Variants in FOCAD observed in about 807,000 individuals in gnomAD.
FOCAD encodes focadhesin, also known as KIAA1797.
A neutral mutation model predicts 225.6 loss-of-function variants in FOCAD; 198 were observed. The observed-to-expected ratio is 0.88, with a 90% CI of 0.78 to 0.99. FOCAD has a LOEUF of 0.99. Ranked by LOEUF, FOCAD falls within the 50% of genes least tolerant of loss-of-function variation. The pLI is 0.00. For synonymous variants in FOCAD, 897 were observed against 755.0 expected (o/e 1.19, Z -3.08); for missense variants, 2,713 against 2,123.6 (o/e 1.28, Z -5.46).
upstream of FOCAD, among the ~76,000 whole-genome samples, chr9:20,658,064 G>T (rs75557199): frequency 0.9 from 119,286 of 132,840 alleles, 53,383 homozygotes; most frequent in Non-Finnish European, 0.93. Context: ...GCCCCTGCTG[G>T]GGGGTGCCTC....
chr9:20,705,859 C>T (rs1443034870), intron 1 of FOCAD, among the ~76,000 whole-genome samples: 1 of 150,844 alleles, frequency 6.6e-6, no homozygotes, highest in Non-Finnish European at 1.5e-5. Context: ...TATCCATATG[C>T]CACAAGTTAA....
intron 1 of FOCAD, among the ~76,000 whole-genome samples, chr9:20,689,060 G>C (rs1313768508): frequency 6.6e-6 from 1 of 152,172 alleles, no homozygotes; most frequent in Non-Finnish European, 1.5e-5. Context: ...AGAGCCAGGA[G>C]GAGCTGAAAG....
chr9:20,995,224 G>T (rs772780944), intron 43 of FOCAD, among the ~76,000 whole-genome samples: 1 of 151,950 alleles, frequency 6.6e-6, no homozygotes, highest in Non-Finnish European at 1.5e-5. Context: ...AGCACAAATT[G>T]TGAGGAGATT....
chr9:20,937,529 T>G (rs940101291), intron 28 of FOCAD, among the ~76,000 whole-genome samples: 23 of 151,612 alleles, frequency 1.5e-4, no homozygotes, highest in African/African-American at 4.6e-4. Context: ...TAGCCATATG[T>G]AGAAAGCTGA....
intron 6 of FOCAD, among the ~76,000 whole-genome samples, chr9:20,760,630 C>T (rs1829503901): frequency 6.6e-6 from 1 of 151,762 alleles, no homozygotes; most frequent in Non-Finnish European, 1.5e-5. Context: ...TTTTTTTGCC[C>T]TAGGGTCTTT....
At chr9:20,947,007 CCT>C (rs1388201431) in intron 30 of FOCAD, among the ~76,000 whole-genome samples, 187 bp downstream of exon 30, 1 of 152,132 alleles carries the variant, frequency 6.6e-6, no homozygotes, top group Non-Finnish European at 1.5e-5. Context: ...CTCCTTATCC[CCT>C]GTCTCATTCT....
rs948666298 is a variant in FOCAD at position 20,912,778 on chromosome 9, A to G, written c.2719-88A>G. 7 of 1,053,900 alleles carry G rather than the reference A, an allele frequency of 6.6e-6. No individual in the cohort carries two copies. The Admixed American group carries it at 9.2e-5, about 14-fold the overall frequency. 65.3% of individuals were successfully genotyped at this position (1,053,900 alleles called of 1,614,324 possible). ...ACCCAGAACACTTAAGGCCAAATGG[A>G]AAAGGATATATCTGTGTTTTCCAAA... On this transcript the variant is annotated intron_variant, in intron 22 of 43. Coordinates refer to ENST00000338382, the MANE Select transcript of FOCAD (RefSeq NM_001375567.1).
intron 19 of FOCAD, 152 bp downstream of exon 19, chr9:20,874,959 C>A: frequency 1.0e-6 from 1 of 961,568 alleles, no homozygotes; most frequent in Non-Finnish European, 1.6e-6. Flanking sequence ...TCTATTGAAA[C>A]AGCTTGAGGT....
At chr9:20,925,991 C>T (rs963371896) in intron 25 of FOCAD, among the ~76,000 whole-genome samples, 1 of 152,180 alleles carries the variant, frequency 6.6e-6, no homozygotes, top group Non-Finnish European at 1.5e-5. Flanking sequence ...ATATTATCTT[C>T]ACTATAATTC....
chr9:20,955,236 A>C (rs948620938), intron 35 of FOCAD, among the ~76,000 whole-genome samples: 3 of 152,196 alleles, frequency 2.0e-5, no homozygotes, highest in Admixed American at 2.0e-4. Flanking sequence ...TAGAGGAAAG[A>C]AATGTGATGG....
At chr9:20,707,563 T>C (rs930649250) in intron 1 of FOCAD, among the ~76,000 whole-genome samples, 1 of 152,150 alleles carries the variant, frequency 6.6e-6, no homozygotes, top group African/African-American at 2.4e-5. Context: ...TACTGTGTTC[T>C]TACAACAAAG....
At chr9:20,677,536 T>TA (rs1177200545) in intron 2 of FOCAD, among the ~76,000 whole-genome samples, 1 of 152,092 alleles carries the variant, frequency 6.6e-6, no homozygotes, top group Non-Finnish European at 1.5e-5. Context: ...ATAACCTTAT[T>TA]AAAAAATGGA....
rs546091787 is a variant in FOCAD, at chr9:20,947,087, A to G, written c.3675+267A>G. Among the ~76,000 whole-genome samples, 13 of 152,162 alleles carry G rather than the reference A, an allele frequency of 8.5e-5. No individual in the cohort carries two copies. The East Asian group carries it at 2.1e-3, about 25-fold the overall frequency. On this transcript the variant is annotated intron_variant, in intron 30 of 43. Transcript: ENST00000338382. ...CTCTCTCTCTCTCTGACATTGCTCT[A>G]TAGTTATAAGATCATAAAATATATG... is the stretch of plus-strand genomic sequence containing the variant.
At chr9:20,905,203 C>A (rs951142234) in intron 21 of FOCAD, among the ~76,000 whole-genome samples, 1 of 152,010 alleles carries the variant, frequency 6.6e-6, no homozygotes, top group Non-Finnish European at 1.5e-5. Context: ...AAGCTTTCTA[C>A]TGTGCTCCTG....
intron 2 of FOCAD, among the ~76,000 whole-genome samples, chr9:20,676,160 C>G (rs1229995680): frequency 6.6e-6 from 1 of 152,174 alleles, no homozygotes; most frequent in Non-Finnish European, 1.5e-5. Context: ...TGTTCATCAG[C>G]AGGTAATTTG....
At chr9:20,928,345 A>C (rs1331495067) in intron 26 of FOCAD, among the ~76,000 whole-genome samples, 1 of 152,190 alleles carries the variant, frequency 6.6e-6, no homozygotes. Context: ...AAACAGTGCT[A>C]TATTAATTTA....
intron 15 of FOCAD, among the ~76,000 whole-genome samples, chr9:20,824,391 A>C (rs1824654919): frequency 6.6e-6 from 1 of 152,080 alleles, no homozygotes; most frequent in South Asian, 2.1e-4. Flanking sequence ...ACAGGCATCA[A>C]CTAATTTCTG....
intron 24 of FOCAD, among the ~76,000 whole-genome samples, chr9:20,917,524 C>T (rs947754939): frequency 1.3e-5 from 2 of 152,150 alleles, no homozygotes; most frequent in Non-Finnish European, 2.9e-5. Flanking sequence ...CTTGAACAAT[C>T]TCTTCAGGTT....
intron 26 of FOCAD, 62 bp from the exon 27 acceptor site, chr9:20,929,296 T>C: frequency 7.7e-7 from 1 of 1,305,220 alleles, no homozygotes; most frequent in South Asian, 1.2e-5. Flanking sequence ...AGTGCTTTTA[T>C]GATAGGTATG....
Sources: gnomAD v4.1 joint callset for allele counts (sites outside exome capture counted in the v4.1 genomes callset) on GRCh38, gnomAD v4.1.1 for gene constraint, MANE v1.5 for transcripts, NCBI Gene and HGNC (gene_info 2026-07-23, HGNC 2026-07-21) for gene names.